The following CSMD1 variants were observed in gnomAD, a reference collection of about 807,000 sequenced individuals.
The protein encoded by CSMD1 is CUB and sushi domain-containing protein 1.
A neutral mutation model predicts 417.5 loss-of-function variants in CSMD1; 213 were observed. That is an observed-to-expected ratio of 0.51 (90% CI 0.46 to 0.57). The LOEUF is 0.57. Ranked by LOEUF, CSMD1 falls within the 20% of genes least tolerant of loss-of-function variation. CSMD1 has a pLI of 0.00. For missense variants in CSMD1, 6,923 were observed against 4,529.7 expected (o/e 1.53, Z -15.17); for synonymous variants, 2,862 against 1,736.8 (o/e 1.65, Z -16.11).
intron 3 of CSMD1, among the ~76,000 whole-genome samples, chr8:4,200,737 C>G (rs750633169): frequency 3.7e-4 from 56 of 152,224 alleles, no homozygotes; most frequent in Non-Finnish European, 4.6e-4. Context: ...TTGTGTGTAT[C>G]TGTAGTCCCA....
intron 3 of CSMD1, among the ~76,000 whole-genome samples, chr8:4,049,264 A>G (rs553763844): frequency 1.4e-4 from 22 of 151,986 alleles, no homozygotes; most frequent in Non-Finnish European, 2.5e-4. Flanking sequence ...TTTGTATGAA[A>G]TAATTATTTG....
intron 7 of CSMD1, among the ~76,000 whole-genome samples, chr8:3,663,750 C>G (rs76664342): frequency 6.6e-6 from 1 of 152,084 alleles, no homozygotes; most frequent in South Asian, 2.1e-4. Flanking sequence ...CTTTCTGGAC[C>G]GAACCAACGT....
rs1431000492 is a variant in CSMD1 at position 3,018,488 on chromosome 8, G to C, written c.8018C>G (p.Thr2673Ser). 1.2e-6 allele frequency: 2 copies of C among 1,613,124 alleles called. No individual in the cohort carries two copies. Among genetic ancestry groups the C allele is most frequent in the South Asian group, 1.1e-5 (1 of 90,948 alleles). The change falls in exon 52 of 70, where the codon ACT (threonine) becomes AGT (serine). Residue 2673 changes from threonine (T) to serine (S), a missense_variant. Coordinates refer to ENST00000635120, the MANE Select transcript of CSMD1 (RefSeq NM_033225.6). Reference sequence around the variant, plus strand: ...ACAGATGAATTTACCCAGACATCGAGTTTCGCTGCCGCTCCAGAGCCCATT... The same window carrying C: ...ACAGATGAATTTACCCAGACATCGACTTTCGCTGCCGCTCCAGAGCCCATT... ...LANGLWSGSE[T>S]RCLAGHCGSP...
chr8:4,528,088 G>C (rs537354706), intron 2 of CSMD1, among the ~76,000 whole-genome samples: 1 of 152,304 alleles, frequency 6.6e-6, no homozygotes, highest in East Asian at 1.9e-4. Context: ...ATATGCTTCA[G>C]ATGGGTTTGC....
At chr8:3,996,751 C>T (rs968167050) in intron 5 of CSMD1, among the ~76,000 whole-genome samples, 3 of 152,234 alleles carry the variant, frequency 2.0e-5, no homozygotes, top group East Asian at 1.9e-4. Context: ...TTCTTCCTCC[C>T]TCCTATTTGA....
intron 3 of CSMD1, among the ~76,000 whole-genome samples, chr8:4,296,308 G>A (rs1024796153): frequency 1.3e-5 from 2 of 152,040 alleles, no homozygotes; most frequent in Non-Finnish European, 2.9e-5. Flanking sequence ...TTTCGTCCCT[G>A]TGGTTATAAA....
In CSMD1 at chr8:4,928,073, C is replaced by T. The variant is rs185496332; in HGVS notation, c.85+66259G>A. ...TGCTCACCAGGCCTGGCTCCTGTGG[C>T]CTCTCTGAGCTCCATTCTTAGCCCT... On this transcript the variant is annotated intron_variant, in intron 1 of 69. Coordinates refer to ENST00000635120, the MANE Select transcript of CSMD1 (RefSeq NM_033225.6). Among the ~76,000 whole-genome samples the T allele has an allele frequency of 3.3e-4, 50 of 152,300 alleles. No individual in the cohort carries two copies. In the East Asian group the frequency reaches 7.9e-3, roughly 24 times the overall value.
intron 10 of CSMD1, among the ~76,000 whole-genome samples, chr8:3,538,404 C>T (rs952629060): frequency 1.3e-5 from 2 of 151,916 alleles, no homozygotes; most frequent in African/African-American, 2.4e-5. Context: ...ACCTGAGATG[C>T]CTCACCTAAA....
At chr8:3,836,724 G>T (rs546252909) in intron 5 of CSMD1, among the ~76,000 whole-genome samples, 1 of 152,146 alleles carries the variant, frequency 6.6e-6, no homozygotes, top group South Asian at 2.1e-4. Flanking sequence ...GATTAGCAGA[G>T]TTTCAAGAGA....
chr8:4,084,364 C>T lies in CSMD1; in HGVS notation c.416-52265G>A, dbSNP rs370632611. Among the ~76,000 whole-genome samples, 111 of 151,662 alleles carry T rather than the reference C, an allele frequency of 7.3e-4. 3 individuals carry two copies. In the South Asian group the frequency reaches 0.022, roughly 30 times the overall value. On this transcript the variant is annotated intron_variant, in intron 3 of 69. Transcript: ENST00000635120. ...AAAAAACAAACTACAACCATAAATG[C>T]AATCTAGAATTAGAAACAATATGCG...
At chr8:4,535,384 T>C (rs1797052744) in intron 2 of CSMD1, among the ~76,000 whole-genome samples, 2 of 152,178 alleles carry the variant, frequency 1.3e-5, no homozygotes. Flanking sequence ...CAAGTTACTT[T>C]TGTAGCGTCT....
intron 5 of CSMD1, among the ~76,000 whole-genome samples, chr8:3,756,216 G>T (rs1344672798): frequency 6.6e-6 from 1 of 151,932 alleles, no homozygotes; most frequent in Admixed American, 6.6e-5. Context: ...AGCCGGGCAT[G>T]GTGGCGGGCG....
chr8:4,276,296 A>G (rs1796481789), intron 3 of CSMD1, among the ~76,000 whole-genome samples: 1 of 152,238 alleles, frequency 6.6e-6, no homozygotes, highest in Non-Finnish European at 1.5e-5. Flanking sequence ...ATGCAGCCAT[A>G]AAAAAGGATC....
chr8:4,367,769 A>G (rs1307056177), intron 3 of CSMD1, among the ~76,000 whole-genome samples: 17 of 151,850 alleles, frequency 1.1e-4, no homozygotes, highest in Admixed American at 1.1e-3. Context: ...CTGTGGAAAT[A>G]TTTTTCATTG....
At chr8:4,072,617 A>G (rs1259429146) in intron 3 of CSMD1, among the ~76,000 whole-genome samples, 2 of 152,154 alleles carry the variant, frequency 1.3e-5, no homozygotes, top group African/African-American at 4.8e-5. Flanking sequence ...TTCTGTGTTT[A>G]TGTTTTGAAA....
chr8:4,487,534 A>G (rs1585154799), intron 2 of CSMD1, among the ~76,000 whole-genome samples: 1 of 152,222 alleles, frequency 6.6e-6, no homozygotes, highest in East Asian at 1.9e-4. Flanking sequence ...CATGGTGTAC[A>G]TGTGCCACAT....
chr8:3,020,285 C>T (rs1585164028), intron 51 of CSMD1, among the ~76,000 whole-genome samples: 1 of 152,286 alleles, frequency 6.6e-6, no homozygotes, highest in African/African-American at 2.4e-5. Flanking sequence ...CCTATTTAGT[C>T]AATTGAACCA....
At chr8:3,818,960 G>A (rs1242804354) in intron 5 of CSMD1, among the ~76,000 whole-genome samples, 1 of 152,144 alleles carries the variant, frequency 6.6e-6, no homozygotes, top group Admixed American at 6.6e-5. Context: ...GGGTTTGGTA[G>A]TTGACAAACT....
chr8:3,794,440 A>T (rs2623688), intron 5 of CSMD1, among the ~76,000 whole-genome samples: 151,980 of 152,268 alleles, frequency 1, 75,847 homozygotes, highest in Non-Finnish European at 1. Context: ...TAGTGATCAT[A>T]GAATCAGTAC....
Sources: allele counts gnomAD v4.1 joint callset (sites outside exome capture counted in the v4.1 genomes callset), GRCh38; gene constraint gnomAD v4.1.1; transcripts MANE v1.5; gene names NCBI Gene and HGNC (gene_info 2026-07-23, HGNC 2026-07-21).